UTS2B: variants seen among roughly 807,000 people sequenced by gnomAD.
UTS2B encodes the protein urotensin-2B.
Under a neutral mutation model 19.2 loss-of-function variants are expected in UTS2B, and 21 were observed. The ratio of observed to expected loss-of-function variants is 1.09; its 90% CI spans 0.78 to 1.58. The LOEUF is 1.58. Among genes scored for constraint, UTS2B ranks in the 40% most tolerant of loss-of-function variants. The pLI, the probability that UTS2B is intolerant of heterozygous loss-of-function variation, is 0.00. For missense variants in UTS2B, 138 were observed against 130.3 expected (o/e 1.06, Z -0.29); for synonymous variants, 57 against 50.2 (o/e 1.14, Z -0.58).
chr3:191,317,380 C>A (rs897518283), intron 2 of UTS2B, among the ~76,000 whole-genome samples: 9 of 152,246 alleles, frequency 5.9e-5, no homozygotes, highest in Admixed American at 2.0e-4. Flanking sequence ...GTCTGCACCT[C>A]TCCCTCCACA....
At chr3:191,272,136 T>C (rs923354926) in intron 8 of UTS2B, among the ~76,000 whole-genome samples, 2 of 152,234 alleles carry the variant, frequency 1.3e-5, no homozygotes, top group African/African-American at 4.8e-5. Context: ...TAAGACCTCA[T>C]GTAAACTCGG....
chr3:191,314,359 A>C (rs1181967621), intron 3 of UTS2B, among the ~76,000 whole-genome samples: 1 of 152,084 alleles, frequency 6.6e-6, no homozygotes, highest in East Asian at 1.9e-4. Context: ...CGTGCATTCT[A>C]TTCTTTGCCT....
chr3:191,283,395 G>A (rs1252048306), intron 4 of UTS2B, among the ~76,000 whole-genome samples: 2 of 152,106 alleles, frequency 1.3e-5, no homozygotes, highest in Non-Finnish European at 2.9e-5. Flanking sequence ...AATGCCACCA[G>A]AACTGTTTAG....
At chr3:191,304,609 A>G (rs1717088811) in intron 3 of UTS2B, 61 bp from the exon 4 acceptor site, 1 of 152,170 alleles carries the variant, frequency 6.6e-6, no homozygotes, top group African/African-American at 2.4e-5. Context: ...TTAACCTCAA[A>G]TTCTATTGTA....
intron 4 of UTS2B, among the ~76,000 whole-genome samples, chr3:191,292,656 C>T (rs1716750415): frequency 1.3e-5 from 2 of 152,064 alleles, no homozygotes; most frequent in East Asian, 3.8e-4. Context: ...TTTTTCCTAC[C>T]TAATTGTCCT....
chr3:191,330,960 T>G (rs1717961999), upstream of UTS2B, among the ~76,000 whole-genome samples: 1 of 152,220 alleles, frequency 6.6e-6, no homozygotes, highest in African/African-American at 2.4e-5. Flanking sequence ...CTTTTCTACC[T>G]TTCCGTCCCT....
At chr3:191,275,696 A>G (rs1380922404) in intron 7 of UTS2B, among the ~76,000 whole-genome samples, 1 of 135,196 alleles carries the variant, frequency 7.4e-6, no homozygotes, top group Non-Finnish European at 1.7e-5. Flanking sequence ...ACAAAAAACA[A>G]ACAACAAAAA....
At chr3:191,277,711 T>C (rs1716273024) in intron 6 of UTS2B, 1 of 153,912 alleles carries the variant, frequency 6.5e-6, no homozygotes, top group African/African-American at 2.4e-5. Flanking sequence ...GTGAAATTTC[T>C]AGAAGAAACC....
intron 1 of UTS2B, 125 bp from the exon 2 acceptor site, chr3:191,328,834 C>A (rs1717825881): frequency 6.6e-6 from 1 of 152,218 alleles, no homozygotes; most frequent in Non-Finnish European, 1.5e-5. Context: ...CACATTCATG[C>A]GATTTTGATG....
At chr3:191,335,288 AAAAC>A (rs1718103545), upstream of UTS2B, among the ~76,000 whole-genome samples, 1 of 152,198 alleles carries the variant, frequency 6.6e-6, no homozygotes, top group African/African-American at 2.4e-5. Context: ...CATAGAGGAG[AAAAC>A]AAACATTCAA....
In UTS2B at chr3:191,316,097, G is replaced by T. The variant is rs1435089476; in HGVS notation, c.-243C>A. 6.6e-6 allele frequency: 1 copy of T among 152,256 alleles called. No individual in the cohort carries two copies. The highest frequency in any genetic ancestry group is 1.5e-5 in the Non-Finnish European group (1 of 68,074). The allele number at this position is 152,256 out of a possible 1,614,324, so 9.4% of individuals were successfully genotyped here. ...TGGGTTTTGAAGATCAGTTTCCAAAGTGGTTGGCAATCAGCTAGATGTCAG... is the reference window on the plus strand; with the variant it reads ...TGGGTTTTGAAGATCAGTTTCCAAATTGGTTGGCAATCAGCTAGATGTCAG... On this transcript the variant is annotated 5_prime_UTR_variant, in exon 3 of 9. Coordinates refer to ENST00000340524, the MANE Select transcript of UTS2B (RefSeq NM_198152.5).
chr3:191,293,988 A>G (rs1159746147), intron 4 of UTS2B, among the ~76,000 whole-genome samples: 1 of 151,794 alleles, frequency 6.6e-6, no homozygotes, highest in African/African-American at 2.4e-5. Context: ...CACGCCTGTA[A>G]TCCCAGCTAC....
upstream of UTS2B, among the ~76,000 whole-genome samples, chr3:191,335,293 A>G (rs977579479): frequency 6.6e-6 from 1 of 152,218 alleles, no homozygotes; most frequent in Admixed American, 6.5e-5. Context: ...AGGAGAAAAC[A>G]AACATTCAAA....
the UTS2B span, among the ~76,000 whole-genome samples, chr3:191,344,527 G>A: frequency 6.6e-6 from 1 of 152,190 alleles, no homozygotes. Flanking sequence ...ATGTTGGATC[G>A]ATAGAACATA....
intron 3 of UTS2B, among the ~76,000 whole-genome samples, chr3:191,307,401 T>C (rs763629013): frequency 6.6e-6 from 1 of 152,176 alleles, no homozygotes; most frequent in Non-Finnish European, 1.5e-5. Flanking sequence ...TTATATGCTA[T>C]TGCTTTATTG....
the UTS2B span, among the ~76,000 whole-genome samples, chr3:191,340,912 T>G: frequency 1.3e-5 from 2 of 152,204 alleles, no homozygotes; most frequent in Non-Finnish European, 2.9e-5. Context: ...CATAGCTCAC[T>G]GTGGCCTCAA....
chr3:191,344,805 G>A, the UTS2B span, among the ~76,000 whole-genome samples: 7 of 152,014 alleles, frequency 4.6e-5, no homozygotes, highest in Admixed American at 2.0e-4. Flanking sequence ...TCTCGAACTC[G>A]GGAGCTCAGG....
At chr3:191,313,656 AGTTTTTACATAGACAAGACCCCTATATAT>A (rs772576074) in intron 3 of UTS2B, among the ~76,000 whole-genome samples, 13 of 151,062 alleles carry the variant, frequency 8.6e-5, no homozygotes, top group Non-Finnish European at 1.3e-4. Flanking sequence ...AGCTTAGTTT[AGTTTTTACATAGACAAGACCCCTATATAT>A]GAAAAACTTA....
rs891095760 is a variant in UTS2B at position 191,316,370 on chromosome 3, G to A, written c.-516C>T. 2 of 152,420 alleles carry A rather than the reference G, an allele frequency of 1.3e-5. No individual in the cohort carries two copies. Among genetic ancestry groups the A allele is most frequent in the East Asian group, 3.9e-4 (2 of 5,194 alleles). 9.4% of individuals were successfully genotyped at this position (152,420 alleles called of 1,614,324 possible). On this transcript the variant is annotated 5_prime_UTR_variant, in exon 3 of 9. Transcript: ENST00000340524. ...CTCTGGTTTCAAGAGTGAAGCTGCA[G>A]ACCTTCGCGGTGAGTGCTACAGCTC...
Sources: gnomAD v4.1 joint callset for allele counts (sites outside exome capture counted in the v4.1 genomes callset) on GRCh38, gnomAD v4.1.1 for gene constraint, MANE v1.5 for transcripts, NCBI Gene and HGNC (gene_info 2026-07-23, HGNC 2026-07-21) for gene names.